CTNNA3: variants seen among roughly 807,000 people sequenced by gnomAD.
The protein encoded by CTNNA3 is catenin alpha 3, also known as catenin alpha-3.
CTNNA3 carries 76 observed loss-of-function variants against 95.7 expected under a neutral mutation model. The observed-to-expected ratio is 0.79, with a 90% confidence interval of 0.66 to 0.96. CTNNA3 has a LOEUF of 0.96. Ranked by LOEUF, CTNNA3 falls within the 40% of genes least tolerant of loss-of-function variation. The pLI is 0.00. For missense variants in CTNNA3, 1,191 were observed against 1,089.8 expected (o/e 1.09, Z -1.31); for synonymous variants, 431 against 374.4 (o/e 1.15, Z -1.74).
intron 12 of CTNNA3, among the ~76,000 whole-genome samples, chr10:66,304,404 G>C (rs1292807207): frequency 6.6e-6 from 1 of 152,070 alleles, no homozygotes; most frequent in Non-Finnish European, 1.5e-5. Flanking sequence ...ATGTATCCTA[G>C]AAAGCTTTTG....
chr10:66,619,302 G>C (rs957952640), intron 10 of CTNNA3, among the ~76,000 whole-genome samples: 262 of 150,954 alleles, frequency 1.7e-3, no homozygotes, highest in Non-Finnish European at 2.8e-3. Flanking sequence ...CAAAGACTTG[G>C]AACAAACCCA....
intron 7 of CTNNA3, among the ~76,000 whole-genome samples, chr10:67,119,177 T>A (rs559545371): frequency 6.6e-6 from 1 of 151,798 alleles, no homozygotes; most frequent in Non-Finnish European, 1.5e-5. Flanking sequence ...GTACTGAGAG[T>A]GAGAATTTTT....
At position 67,287,973 on chromosome 10, in the gene CTNNA3, A is replaced by C. The variant is rs560834256; in HGVS notation, c.580-68103T>G. On this transcript the variant is annotated intron_variant, in intron 5 of 17. Coordinates refer to ENST00000433211, the MANE Select transcript of CTNNA3 (RefSeq NM_013266.4). ...CAATTTAGCCCCTTCTCTAATTGACACTGTTCATAAAAGACATTTAAAACC... is the reference window on the plus strand; with the variant it reads ...CAATTTAGCCCCTTCTCTAATTGACCCTGTTCATAAAAGACATTTAAAACC... Among the ~76,000 whole-genome samples, 5 of 152,314 alleles carry C rather than the reference A, an allele frequency of 3.3e-5. No homozygotes were observed. The East Asian group carries it at 9.6e-4, about 29-fold the overall frequency.
chr10:66,062,483 G>A (rs1031509023), intron 15 of CTNNA3, among the ~76,000 whole-genome samples: 3 of 151,974 alleles, frequency 2.0e-5, no homozygotes, highest in Admixed American at 2.0e-4. Context: ...TGACAAAGGT[G>A]GAACCAAGGA....
intron 5 of CTNNA3, among the ~76,000 whole-genome samples, chr10:67,396,028 T>C (rs2132787940): frequency 6.6e-6 from 1 of 152,332 alleles, no homozygotes; most frequent in South Asian, 2.1e-4. Flanking sequence ...TGTATGTTTG[T>C]AAAATAAAAG....
chr10:67,707,634 G>A (rs1049209969), intron 1 of CTNNA3, among the ~76,000 whole-genome samples: 1 of 151,846 alleles, frequency 6.6e-6, no homozygotes, highest in African/African-American at 2.4e-5. Context: ...TAAAAGCTAG[G>A]GGCAGTGGCA....
intron 8 of CTNNA3, among the ~76,000 whole-genome samples, chr10:66,774,064 A>AT (rs777623436): frequency 2.6e-4 from 39 of 152,188 alleles, no homozygotes; most frequent in African/African-American, 8.9e-4. Flanking sequence ...AAGTAATTGC[A>AT]TTTTCTTGAC....
intron 12 of CTNNA3, among the ~76,000 whole-genome samples, chr10:66,326,634 T>G (rs143764485): frequency 6.6e-6 from 1 of 152,048 alleles, no homozygotes; most frequent in Non-Finnish European, 1.5e-5. Flanking sequence ...TAATTGTTAG[T>G]GTACACTAAA....
At chr10:66,896,691 C>T (rs1444448019) in intron 7 of CTNNA3, among the ~76,000 whole-genome samples, 6 of 152,202 alleles carry the variant, frequency 3.9e-5, no homozygotes, top group Non-Finnish European at 8.8e-5. Context: ...CTTCACCAGT[C>T]ACGGCCTTCC....
At chr10:66,171,390 TA>T (rs1356647521) in intron 13 of CTNNA3, among the ~76,000 whole-genome samples, 2 of 150,356 alleles carry the variant, frequency 1.3e-5, no homozygotes, top group Non-Finnish European at 3.0e-5. Flanking sequence ...TACTAAAAAA[TA>T]AAAAAATAGC....
At chr10:67,678,098 A>C (rs1840565929) in intron 1 of CTNNA3, among the ~76,000 whole-genome samples, 1 of 152,220 alleles carries the variant, frequency 6.6e-6, no homozygotes, top group African/African-American at 2.4e-5. Context: ...CTAAATATAA[A>C]TCTTATGTAT....
intron 7 of CTNNA3, among the ~76,000 whole-genome samples, chr10:66,892,943 G>A (rs895168671): frequency 2.0e-5 from 3 of 152,106 alleles, no homozygotes; most frequent in African/African-American, 2.4e-5. Flanking sequence ...ACTAGTCACA[G>A]TGTGAATGAG....
At chr10:66,754,634 T>C (rs2132741110) in intron 9 of CTNNA3, among the ~76,000 whole-genome samples, 1 of 152,216 alleles carries the variant, frequency 6.6e-6, no homozygotes, top group South Asian at 2.1e-4. Context: ...GGGGGTTACA[T>C]CAAGAATTCA....
rs1178543368 is a variant in CTNNA3 at position 67,365,264 on chromosome 10, T to TA, written c.580-145395dup. Reference sequence around the variant, plus strand: ...GACTTAAATGTAAGACCTAACACCATAAAAACCCTAGAAGAAAACCTAGGC... The same window carrying TA: ...GACTTAAATGTAAGACCTAACACCATAAAAAACCCTAGAAGAAAACCTAGGC... On this transcript the variant is annotated intron_variant, in intron 5 of 17. Transcript: ENST00000433211. Among the ~76,000 whole-genome samples the TA allele has an allele frequency of 9.2e-5, 14 of 152,208 alleles. No individual in the cohort carries two copies. The South Asian group carries it at 1.5e-3, about 16-fold the overall frequency.
intron 12 of CTNNA3, among the ~76,000 whole-genome samples, chr10:66,360,800 CCTTCCTTCCTTCCTTCCTTTCTTT>C (rs1193616970): frequency 3.8e-4 from 26 of 68,274 alleles, no homozygotes; most frequent in African/African-American, 1.7e-3. Flanking sequence ...TTCCTTCCTT[CCTTCCTTCCTTCCTTCCTTTCTTT>C]CTTTCTTTCT....
At chr10:66,340,809 A>G (rs1310256244) in intron 12 of CTNNA3, among the ~76,000 whole-genome samples, 2 of 151,724 alleles carry the variant, frequency 1.3e-5, no homozygotes, top group Non-Finnish European at 3.0e-5. Flanking sequence ...AAATGTGGCG[A>G]AAAAAAGGTG....
chr10:66,886,228 C>T (rs1240222296), intron 7 of CTNNA3, among the ~76,000 whole-genome samples: 1 of 152,122 alleles, frequency 6.6e-6, no homozygotes, highest in African/African-American at 2.4e-5. Flanking sequence ...AACCCTGTGA[C>T]TGGGGTCCTG....
At chr10:66,984,352 A>G (rs1850610601) in intron 7 of CTNNA3, among the ~76,000 whole-genome samples, 2 of 152,194 alleles carry the variant, frequency 1.3e-5, no homozygotes, top group Non-Finnish European at 2.9e-5. Context: ...ACAACAAATT[A>G]GAGTGATGGG....
chr10:66,483,966 T>C (rs1472032134), intron 11 of CTNNA3, among the ~76,000 whole-genome samples: 1 of 152,176 alleles, frequency 6.6e-6, no homozygotes, highest in Non-Finnish European at 1.5e-5. Flanking sequence ...TACAATACTT[T>C]TTCCCCACTT....
Sources: gnomAD v4.1 joint callset for allele counts (sites outside exome capture counted in the v4.1 genomes callset) on GRCh38, gnomAD v4.1.1 for gene constraint, MANE v1.5 for transcripts, NCBI Gene and HGNC (gene_info 2026-07-23, HGNC 2026-07-21) for gene names.